Variants in TAFA1 observed in about 807,000 individuals in gnomAD.
TAFA1 encodes TAFA chemokine like family member 1.
Under a neutral mutation model 18.5 loss-of-function variants are expected in TAFA1, and 4 were observed. The ratio of observed to expected loss-of-function variants is 0.22; its 90% CI spans 0.11 to 0.49. TAFA1 has a LOEUF of 0.49. Ranked by LOEUF, TAFA1 falls within the 20% of genes least tolerant of loss-of-function variation. The pLI, the probability that TAFA1 is intolerant of heterozygous loss-of-function variation, is 0.98. For synonymous variants in TAFA1, 56 were observed against 55.2 expected, an observed-to-expected ratio of 1.01 and a Z score of -0.06; for missense variants, 147 against 169.0, an observed-to-expected ratio of 0.87 and a Z score of 0.72.
chr3:68,273,535 A>G (rs924562927), intron 2 of TAFA1, among the ~76,000 whole-genome samples: 3 of 152,206 alleles, frequency 2.0e-5, no homozygotes, highest in Non-Finnish European at 4.4e-5. Context: ...AGCAGGTAAG[A>G]TTACCAAGGT....
intron 2 of TAFA1, among the ~76,000 whole-genome samples, chr3:68,314,184 C>G (rs1426236314): frequency 6.6e-6 from 1 of 152,130 alleles, no homozygotes; most frequent in African/African-American, 2.4e-5. Flanking sequence ...GAGGAAACTA[C>G]CCTTTGTATT....
chr3:68,317,810 C>T (rs907032079), intron 2 of TAFA1, among the ~76,000 whole-genome samples: 11 of 152,198 alleles, frequency 7.2e-5, no homozygotes, highest in South Asian at 2.1e-4. Flanking sequence ...CTGGATCTGT[C>T]GAGGTGGTTT....
rs140211490 is a variant in TAFA1 at position 68,316,465 on chromosome 3, G to A, written c.119-100815G>A. On this transcript the variant is annotated intron_variant, in intron 2 of 4. Coordinates refer to ENST00000478136, the MANE Select transcript of TAFA1 (RefSeq NM_213609.4). ...TTCTGCAGAATAATGTGTTTATAAT[G>A]TTGTTCGGGCTTTTCATAATGTTCT... Among the ~76,000 whole-genome samples the A allele has an allele frequency of 4.1e-4, 62 of 152,310 alleles. 1 individual carries two copies. In the East Asian group the frequency reaches 0.012, roughly 29 times the overall value.
Position 68,439,412 on chromosome 3 carries a change from C to CATACATATATATAT in TAFA1, c.259+21995_259+21996insCATATATATATATA, listed in dbSNP as rs1264523262. Among the ~76,000 whole-genome samples, 493 of 73,324 alleles carry CATACATATATATAT rather than the reference C, an allele frequency of 6.7e-3. 21 individuals carry two copies. Among genetic ancestry groups the CATACATATATATAT allele is most frequent in the East Asian group, 0.032 (75 of 2,366 alleles). 48.1% of individuals were successfully genotyped at this position (73,324 alleles called of 152,430 possible). A position where few individuals can be genotyped will look rare whatever the true frequency, so the allele number is the denominator to read the frequency against. ...AGAAGTAATAGAATATATATACATA[C>CATACATATATATAT]ATATATATATATATATATATATATA... On this transcript the variant is annotated intron_variant, in intron 3 of 4. Transcript: ENST00000478136.
At chr3:68,318,658 T>G (rs2068646257) in intron 2 of TAFA1, among the ~76,000 whole-genome samples, 4 of 152,254 alleles carry the variant, frequency 2.6e-5, no homozygotes, top group Admixed American at 2.6e-4. Context: ...GTTTCCAGTC[T>G]TTATTACAAG....
At chr3:68,048,660 A>G (rs1452903779) in intron 2 of TAFA1, among the ~76,000 whole-genome samples, 2 of 151,902 alleles carry the variant, frequency 1.3e-5, no homozygotes, top group Non-Finnish European at 1.5e-5. Flanking sequence ...TCTCCATTAA[A>G]TCAATTGTTT....
chr3:68,264,581 A>G (rs918805746), intron 2 of TAFA1, among the ~76,000 whole-genome samples: 1 of 152,176 alleles, frequency 6.6e-6, no homozygotes, highest in African/African-American at 2.4e-5. Context: ...AAATGTTTCA[A>G]TGTTATCATT....
chr3:68,309,724 T>A (rs980300232), intron 2 of TAFA1, among the ~76,000 whole-genome samples: 1 of 152,220 alleles, frequency 6.6e-6, no homozygotes, highest in African/African-American at 2.4e-5. Flanking sequence ...TAAGTAAATG[T>A]ATTGGCCCAC....
At chr3:68,028,751 A>AT (rs142734087) in intron 2 of TAFA1, among the ~76,000 whole-genome samples, 54 of 148,042 alleles carry the variant, frequency 3.6e-4, no homozygotes, top group African/African-American at 1.3e-3. Flanking sequence ...TTTTTTTAAA[A>AT]TTTTTTTTTT....
At chr3:68,287,381 C>T (rs2068028691) in intron 2 of TAFA1, among the ~76,000 whole-genome samples, 1 of 152,172 alleles carries the variant, frequency 6.6e-6, no homozygotes, top group South Asian at 2.1e-4. Context: ...TCTGCTCTGA[C>T]CTTTGCTGCT....
chr3:68,131,922 A>G (rs992041875), intron 2 of TAFA1, among the ~76,000 whole-genome samples: 7 of 151,710 alleles, frequency 4.6e-5, no homozygotes, highest in African/African-American at 1.7e-4. Flanking sequence ...TCTGGGATAC[A>G]TGTACATGCA....
chr3:68,093,564 T>C (rs1181485292), intron 2 of TAFA1, among the ~76,000 whole-genome samples: 2 of 151,904 alleles, frequency 1.3e-5, no homozygotes, highest in Non-Finnish European at 2.9e-5. Context: ...TGGTGGGATC[T>C]CGGGAGGTAG....
chr3:68,320,572 C>T, intron 2 of TAFA1, among the ~76,000 whole-genome samples: 1 of 152,156 alleles, frequency 6.6e-6, no homozygotes, highest in East Asian at 1.9e-4. Context: ...CCACCTTCTA[C>T]TGTTGGACTC....
chr3:68,261,745 A>G (rs1206213474), intron 2 of TAFA1, among the ~76,000 whole-genome samples: 5 of 152,108 alleles, frequency 3.3e-5, no homozygotes, highest in Non-Finnish European at 5.9e-5. Context: ...GAAGGGGAAC[A>G]TCACACACCG....
chr3:68,541,848 T>C (rs1209496169), intron 4 of TAFA1, among the ~76,000 whole-genome samples: 1 of 152,190 alleles, frequency 6.6e-6, no homozygotes, highest in East Asian at 1.9e-4. Flanking sequence ...AAAATAATCA[T>C]CCTGAACAAA....
intron 2 of TAFA1, among the ~76,000 whole-genome samples, chr3:68,125,323 C>T (rs1190634024): frequency 2.0e-5 from 3 of 152,118 alleles, no homozygotes; most frequent in Non-Finnish European, 4.4e-5. Flanking sequence ...TAGAAGAGAG[C>T]CTGGTATGTA....
intron 3 of TAFA1, among the ~76,000 whole-genome samples, chr3:68,503,664 G>A (rs1307626669): frequency 6.6e-6 from 1 of 152,086 alleles, no homozygotes; most frequent in Non-Finnish European, 1.5e-5. Flanking sequence ...TAAAATACTT[G>A]AAGTCATGAG....
intron 2 of TAFA1, among the ~76,000 whole-genome samples, chr3:68,211,865 AG>A (rs1211276420): frequency 6.6e-6 from 1 of 152,076 alleles, no homozygotes; most frequent in Non-Finnish European, 1.5e-5. Flanking sequence ...ACAGTGACAC[AG>A]CACCAAGCCG....
chr3:68,504,526 C>T (rs1021564190), intron 3 of TAFA1, among the ~76,000 whole-genome samples: 4 of 152,152 alleles, frequency 2.6e-5, no homozygotes, highest in Non-Finnish European at 5.9e-5. Flanking sequence ...TGATTAGTTT[C>T]ACCTGGTCCA....
Sources: gnomAD v4.1 joint callset for allele counts (sites outside exome capture counted in the v4.1 genomes callset) on GRCh38, gnomAD v4.1.1 for gene constraint, MANE v1.5 for transcripts, NCBI Gene and HGNC (gene_info 2026-07-23, HGNC 2026-07-21) for gene names.